The following FIG4 variants were observed in gnomAD, a reference collection of about 807,000 sequenced individuals.
FIG4 encodes the protein FIG4 phosphoinositide 5-phosphatase, also known as polyphosphoinositide phosphatase.
In FIG4, 112 loss-of-function variants were observed where a neutral mutation model predicts 118.6. That is an observed-to-expected ratio of 0.94 (90% CI 0.81 to 1.11). The LOEUF is 1.11. Ranked by LOEUF, FIG4 falls within the 50% of genes least tolerant of loss-of-function variation. FIG4 has a pLI of 0.00. For missense variants in FIG4, 969 were observed against 1,111.7 expected (o/e 0.87, Z 1.83); for synonymous variants, 369 against 381.2 (o/e 0.97, Z 0.37).
At chr6:109,813,905 C>T (rs9487223) in intron 22 of FIG4, among the ~76,000 whole-genome samples, 1,858 of 152,236 alleles carry the variant, frequency 0.012, 44 homozygotes, top group African/African-American at 0.043. Flanking sequence ...CTCCAGCCTC[C>T]GTTAAGCCTT....
rs1389828728 is a variant in FIG4 at position 109,751,769 on chromosome 6, A to T, written c.1137+7997A>T. Among the ~76,000 whole-genome samples the T allele has an allele frequency of 6.8e-5, 10 of 146,656 alleles. No individual in the cohort carries two copies. The East Asian group carries it at 1.8e-3, about 26-fold the overall frequency. ...TGGGATCAGTGATGATCTACCCTTT[A>T]ACATTTTTTATTGTGTCTATTTGAT... On this transcript the variant is annotated intron_variant, in intron 10 of 22. Transcript: ENST00000230124.
chr6:109,759,414 TAAGAAAAAAA>T (rs1310623965), intron 10 of FIG4, among the ~76,000 whole-genome samples: 7 of 151,304 alleles, frequency 4.6e-5, no homozygotes, highest in Non-Finnish European at 8.8e-5. Flanking sequence ...CTTAAAGTAT[TAAGAAAAAAA>T]AAGAAAAAAA....
chr6:109,738,811 C>T (rs994464398), intron 7 of FIG4, among the ~76,000 whole-genome samples: 14 of 152,152 alleles, frequency 9.2e-5, no homozygotes, highest in East Asian at 3.9e-4. Context: ...AGTGCCTTAG[C>T]AGCGAGAGAG....
intron 22 of FIG4, among the ~76,000 whole-genome samples, chr6:109,820,644 G>A (rs529690421): frequency 1.1e-3 from 165 of 152,244 alleles, no homozygotes; most frequent in African/African-American, 3.8e-3. Flanking sequence ...CAGTTTGAGG[G>A]ATGGGTGAAA....
In FIG4 at chr6:109,797,509, T is replaced by C. The variant is rs1254345662; in HGVS notation, c.2546+658T>C. Among the ~76,000 whole-genome samples the C allele has an allele frequency of 2.6e-5, 4 of 152,178 alleles. No homozygotes were observed. The East Asian group carries it at 7.7e-4, about 29-fold the overall frequency. ...TCATCATCCTCTTCATATTCATCATTATTGCCTGCTTGTTGGGACCTAACA... is the reference window on the plus strand; with the variant it reads ...TCATCATCCTCTTCATATTCATCATCATTGCCTGCTTGTTGGGACCTAACA... On this transcript the variant is annotated intron_variant, in intron 22 of 22. Transcript: ENST00000230124.
intron 6 of FIG4, among the ~76,000 whole-genome samples, chr6:109,737,433 C>T (rs1776190884): frequency 6.6e-6 from 1 of 152,034 alleles, no homozygotes; most frequent in African/African-American, 2.4e-5. Flanking sequence ...CAAAACAGGA[C>T]TCCTATTGAT....
At chr6:109,816,635 C>A (rs1040372765) in intron 22 of FIG4, among the ~76,000 whole-genome samples, 1 of 152,170 alleles carries the variant, frequency 6.6e-6, no homozygotes, top group African/African-American at 2.4e-5. Context: ...GTCCTTGTTG[C>A]CTGTGGCTCA....
intron 1 of FIG4, among the ~76,000 whole-genome samples, chr6:109,705,642 G>T (rs1350034263): frequency 6.6e-6 from 1 of 152,096 alleles, no homozygotes; most frequent in East Asian, 1.9e-4. Flanking sequence ...TATGTGTTTC[G>T]AAGTCCAATA....
At chr6:109,701,754 G>A (rs950932764) in intron 1 of FIG4, 1 of 471,512 alleles carries the variant, frequency 2.1e-6, no homozygotes, top group Non-Finnish European at 4.4e-6. Context: ...AATTAGCCTT[G>A]ATTTGTGTAA....
At chr6:109,785,738 G>A (rs1278675949) in intron 17 of FIG4, 1 of 469,216 alleles carries the variant, frequency 2.1e-6, no homozygotes, top group Non-Finnish European at 4.4e-6. Flanking sequence ...TCATGCTTCA[G>A]CATCCCAACT....
chr6:109,778,765 A>AT (rs550563784), intron 16 of FIG4, among the ~76,000 whole-genome samples: 42 of 151,832 alleles, frequency 2.8e-4, no homozygotes, highest in East Asian at 2.6e-3. Context: ...TGCCCAGCTA[A>AT]TTTTTTTGTA....
rs1035879772 is a variant in FIG4 at position 109,770,224 on chromosome 6, AT to A, written c.1750+3338del. On this transcript the variant is annotated intron_variant, in intron 15 of 22. Transcript: ENST00000230124. ...TTAAGGGCCTTGCTAAGCTCTTTCTATTTTTTTTTAAATGCAAATTTTTAAG... is the reference window on the plus strand; with the variant it reads ...TTAAGGGCCTTGCTAAGCTCTTTCTATTTTTTTTAAATGCAAATTTTTAAG... Among the ~76,000 whole-genome samples, 56 of 151,106 alleles carry A rather than the reference AT, an allele frequency of 3.7e-4. 1 individual carries two copies. The highest frequency in any genetic ancestry group is 1.3e-3 in the African/African-American group (52 of 41,194).
At chr6:109,816,584 A>C (rs1344214915) in intron 22 of FIG4, among the ~76,000 whole-genome samples, 1 of 152,198 alleles carries the variant, frequency 6.6e-6, no homozygotes, top group Non-Finnish European at 1.5e-5. Flanking sequence ...TAAGACAGGA[A>C]ATTGTATCCT....
chr6:109,739,841 A>G (rs770696072), intron 7 of FIG4, among the ~76,000 whole-genome samples: 1 of 152,124 alleles, frequency 6.6e-6, no homozygotes, highest in Non-Finnish European at 1.5e-5. Flanking sequence ...TTGTACCAGG[A>G]GCATTTGAGA....
chr6:109,706,842 G>A (rs1259279300), intron 1 of FIG4, among the ~76,000 whole-genome samples: 2 of 151,996 alleles, frequency 1.3e-5, no homozygotes, highest in East Asian at 1.9e-4. Context: ...TCCTCAAGAA[G>A]GGCTCCCTTT....
chr6:109,691,304 A>G lies in FIG4; in HGVS notation c.-132A>G, dbSNP rs548471516. 1.6e-3 allele frequency: 1,226 copies of G among 753,100 alleles called. 1 individual carries two copies. Among genetic ancestry groups the G allele is most frequent in the Middle Eastern group, 2.7e-3 (12 of 4,414 alleles). The allele number at this position is 753,100 out of a possible 1,614,324, so 46.7% of individuals were successfully genotyped here. A position where few individuals can be genotyped will look rare whatever the true frequency, so the allele number is the denominator to read the frequency against. On this transcript the variant is annotated 5_prime_UTR_variant, in exon 1 of 23. Coordinates refer to ENST00000230124, the MANE Select transcript of FIG4 (RefSeq NM_014845.6). ...GGGATCCGGAAACACCTGATCATCT[A>G]TAGGTTTAGTGCCTAATGGGTGTTG...
chr6:109,742,643 A>T (rs1776360474), intron 8 of FIG4, among the ~76,000 whole-genome samples: 4 of 152,122 alleles, frequency 2.6e-5, no homozygotes, highest in Non-Finnish European at 5.9e-5. Context: ...ATTCTTTATT[A>T]TGTCCTTATA....
intron 15 of FIG4, among the ~76,000 whole-genome samples, chr6:109,768,541 T>C (rs1157471412): frequency 6.6e-6 from 1 of 152,132 alleles, no homozygotes; most frequent in Non-Finnish European, 1.5e-5. Context: ...ACAACTTAAC[T>C]GGGTCCCCTG....
chr6:109,786,425 G>T lies in FIG4; in HGVS notation c.2072G>T (p.Cys691Phe), dbSNP rs1186082770. 4.3e-6 allele frequency: 7 copies of T among 1,613,786 alleles called. No homozygotes were observed. Residue 691 changes from cysteine (C) to phenylalanine (F), a missense_variant, in exon 18 of 23, where the codon TGC becomes TTC. Around this residue, in one of 3 missense-constraint regions of FIG4, gnomAD observed 330 missense variants for 348.1 expected, o/e 0.95. Coordinates refer to ENST00000230124, the MANE Select transcript of FIG4 (RefSeq NM_014845.6). ...YELSSFDDTF[C>F]LAMTSSARDF... is the part of the protein sequence containing the mutation. ...TTGAGCAGCTTTGATGATACCTTTT[G>T]CTTGGCTATGACAAGCTCAGCACGG...
Sources: gnomAD v4.1 joint callset for allele counts (sites outside exome capture counted in the v4.1 genomes callset) on GRCh38, gnomAD v4.1.1 for gene constraint, gnomAD v4.1.1 regional missense constraint, MANE v1.5 for transcripts, NCBI Gene and HGNC (gene_info 2026-07-23, HGNC 2026-07-21) for gene names.